The following C6orf118 variants were observed in gnomAD, a reference collection of about 807,000 sequenced individuals.
C6orf118 encodes uncharacterized protein C6orf118.
In C6orf118, 50 loss-of-function variants were observed where a neutral mutation model predicts 50.2. The observed-to-expected ratio is 1.00, with a 90% confidence interval of 0.79 to 1.26. The LOEUF (loss-of-function observed/expected upper bound fraction) is 1.26. C6orf118 is among the 50% of genes most tolerant of loss of function. C6orf118 has a pLI of 0.00. For synonymous variants in C6orf118, 239 were observed against 230.9 expected, an observed-to-expected ratio of 1.03 and a Z score of -0.32; for missense variants, 641 against 578.7, an observed-to-expected ratio of 1.11 and a Z score of -1.10.
intron 8 of C6orf118, among the ~76,000 whole-genome samples, chr6:165,281,133 A>G (rs909345864): frequency 4.6e-5 from 7 of 152,230 alleles, no homozygotes; most frequent in Admixed American, 3.3e-4. Context: ...AGAGTAATAT[A>G]TGCATAGGAG....
At chr6:165,302,683 C>T (rs560096433) in intron 1 of C6orf118, among the ~76,000 whole-genome samples, 1 of 152,288 alleles carries the variant, frequency 6.6e-6, no homozygotes, top group South Asian at 2.1e-4. Flanking sequence ...ACGTATTTCA[C>T]CGGCCGGGGA....
At chr6:165,282,269 A>G (rs1779753202) in intron 7 of C6orf118, among the ~76,000 whole-genome samples, 1 of 152,194 alleles carries the variant, frequency 6.6e-6, no homozygotes, top group Non-Finnish European at 1.5e-5. Flanking sequence ...CAAAAGTATT[A>G]TTATTAGAAC....
intron 3 of C6orf118, 125 bp downstream of exon 3, chr6:165,300,239 G>A (rs917144349): frequency 3.4e-5 from 39 of 1,131,942 alleles, no homozygotes; most frequent in Non-Finnish European, 4.4e-5. Context: ...TGGGAGTGAT[G>A]GTCCCTGTCT....
chr6:165,292,364 G>T (rs982098944), intron 6 of C6orf118, among the ~76,000 whole-genome samples: 1 of 152,136 alleles, frequency 6.6e-6, no homozygotes, highest in Non-Finnish European at 1.5e-5. Context: ...TTGTTCCATC[G>T]CAATGAAAGG....
chr6:165,302,276 A>G lies in C6orf118; in HGVS notation c.46T>C (p.Cys16Arg). The change falls in exon 2 of 9, where the codon TGC becomes CGC. Residue 16 changes from cysteine to arginine, a missense_variant. Cys to Arg is a radical substitution (Grantham distance 180, BLOSUM62 -3). Coordinates refer to ENST00000230301, the MANE Select transcript of C6orf118 (RefSeq NM_144980.4). ...EPELYLKWKH[C>R]ETPGVKTLCN... ...AGGGTCTTCACGCCTGGCGTCTCGC[A>G]GTGCTTCCACTTCAGGTACACTGGT... The G allele has an allele frequency of 6.2e-7, 1 of 1,613,494 alleles. No homozygotes were observed. Among genetic ancestry groups the G allele is most frequent in the Non-Finnish European group, 8.5e-7 (1 of 1,179,968 alleles).
chr6:165,280,271 G>A (rs540622601), intron 8 of C6orf118, among the ~76,000 whole-genome samples, 161 bp from the exon 9 acceptor site: 1 of 152,326 alleles, frequency 6.6e-6, no homozygotes, highest in South Asian at 2.1e-4. Context: ...TTTTGAGGGA[G>A]TTTTGGCCTT....
intron 5 of C6orf118, among the ~76,000 whole-genome samples, 155 bp downstream of exon 5, chr6:165,297,822 C>T (rs1780363815): frequency 6.6e-6 from 1 of 152,192 alleles, no homozygotes. Context: ...TAGGTGATGG[C>T]CTGTAGAAAT....
intron 6 of C6orf118, among the ~76,000 whole-genome samples, chr6:165,291,908 T>C (rs773755190): frequency 3.3e-4 from 50 of 152,308 alleles, no homozygotes; most frequent in Non-Finnish European, 6.3e-4. Context: ...TAACCCTTCC[T>C]GGTAGATAGT....
rs1269303847 is a variant in C6orf118, at chr6:165,298,003, T to C, written c.1035A>G (p.Thr345=). The C allele has an allele frequency of 6.2e-7, 1 of 1,614,046 alleles. No homozygotes were observed. The highest frequency in any genetic ancestry group is 8.5e-7 in the Non-Finnish European group (1 of 1,180,036). Residue 345 remains threonine (T), a synonymous_variant, in exon 5 of 9, where the codon ACA becomes ACG. Transcript: ENST00000230301. The stretch of plus-strand genomic sequence containing the variant: ...TATCATTCTGCTCCAGGGCTGCTTT[T>C]GTGGCTGTCACGAGCATCCTCAGCT... ...REELRMLVTA[T]KAALEQNDRL...
intron 6 of C6orf118, among the ~76,000 whole-genome samples, chr6:165,292,818 G>A (rs567793435): frequency 6.6e-6 from 1 of 152,184 alleles, no homozygotes; most frequent in Non-Finnish European, 1.5e-5. Flanking sequence ...AGGTAGAAAA[G>A]AGGAAACAGG....
At position 165,290,015 on chromosome 6, in the gene C6orf118, C is replaced by T. The variant is rs1213341612; in HGVS notation, c.1173G>A (p.Lys391=). 1.2e-6 allele frequency: 2 copies of T among 1,609,690 alleles called. No homozygotes were observed. Among genetic ancestry groups the T allele is most frequent in the African/African-American group, 1.3e-5 (1 of 74,760 alleles). ...IDENRLTLTE[K]VEKKRCEILS... is the part of the protein sequence containing the mutation. ...GTATTTCACACCTCTTCTTTTCAAC[C>T]TTCTCAGTAAGAGTAAGTCGGTTTT... The change falls in exon 7 of 9, where the codon AAG becomes AAA. Residue 391 remains lysine, a synonymous_variant. Transcript: ENST00000230301.
intron 5 of C6orf118, among the ~76,000 whole-genome samples, chr6:165,294,475 C>A (rs1005790304): frequency 1.3e-5 from 2 of 152,060 alleles, no homozygotes; most frequent in African/African-American, 4.8e-5. Context: ...CATCCACATG[C>A]AAATAATTTA....
chr6:165,301,229 G>C (rs1277741011), intron 2 of C6orf118, among the ~76,000 whole-genome samples: 2 of 152,170 alleles, frequency 1.3e-5, no homozygotes, highest in East Asian at 3.9e-4. Flanking sequence ...CTCAGAGGAC[G>C]AGCCTCTCAG....
chr6:165,295,515 T>C (rs1780259951), intron 5 of C6orf118, among the ~76,000 whole-genome samples: 1 of 152,228 alleles, frequency 6.6e-6, no homozygotes, highest in African/African-American at 2.4e-5. Context: ...GTAGTTTGTA[T>C]AGACAAAGAT....
chr6:165,309,569 C>T lies in C6orf118; in HGVS notation c.18G>A (p.Glu6=), dbSNP rs770959264. MAEER[E]PELYLKWKHC... ...CCGCTCCAGGCCACTTACATTCAGG[C>T]TCCCGCTCCTCCGCCATCGCTTCCT... is the stretch of plus-strand genomic sequence containing the variant. The change falls in exon 1 of 9, where the codon GAG becomes GAA. Residue 6 remains glutamate (E), a synonymous_variant. Transcript: ENST00000230301. 6.2e-6 allele frequency: 10 copies of T among 1,614,062 alleles called. No individual in the cohort carries two copies. Among genetic ancestry groups the T allele is most frequent in the Middle Eastern group, 1.6e-4 (1 of 6,084 alleles).
intron 3 of C6orf118, among the ~76,000 whole-genome samples, chr6:165,299,901 C>G (rs1780453756): frequency 6.6e-6 from 1 of 152,130 alleles, no homozygotes; most frequent in African/African-American, 2.4e-5. Context: ...CCAGGCTGGT[C>G]TTGAACTCCT....
chr6:165,298,172 T>C (rs1049777825), intron 4 of C6orf118, 71 bp from the exon 5 acceptor site: 85 of 1,487,624 alleles, frequency 5.7e-5, no homozygotes, highest in Middle Eastern at 3.8e-4. Context: ...TTCTTATTTG[T>C]CATTAATGCG....
chr6:165,297,360 C>T (rs191698660), intron 5 of C6orf118, among the ~76,000 whole-genome samples: 2 of 150,442 alleles, frequency 1.3e-5, no homozygotes, highest in East Asian at 3.9e-4. Flanking sequence ...ACTGAGATCA[C>T]CCCACTGCAC....
intron 1 of C6orf118, among the ~76,000 whole-genome samples, chr6:165,309,138 G>A (rs1396775930): frequency 6.6e-6 from 1 of 152,248 alleles, no homozygotes; most frequent in Non-Finnish European, 1.5e-5. Flanking sequence ...GACGCGCTGA[G>A]CTTTGTGGTC....
Sources: allele counts gnomAD v4.1 joint callset (sites outside exome capture counted in the v4.1 genomes callset), GRCh38; gene constraint gnomAD v4.1.1; transcripts MANE v1.5; gene names NCBI Gene and HGNC (gene_info 2026-07-23, HGNC 2026-07-21).